LARGE1: variants seen among roughly 807,000 people sequenced by gnomAD.
The protein encoded by LARGE1 is xylosyl- and glucuronyltransferase LARGE1.
In LARGE1, 43 loss-of-function variants were observed where a neutral mutation model predicts 87.6. That is an observed-to-expected ratio of 0.49 (90% CI 0.38 to 0.63). The LOEUF (loss-of-function observed/expected upper bound fraction) is 0.63. Among genes scored for constraint, LARGE1 ranks in the 30% least tolerant of loss-of-function variants. LARGE1 has a pLI of 0.00. For synonymous variants in LARGE1, 434 were observed against 394.6 expected, an observed-to-expected ratio of 1.10 and a Z score of -1.18; for missense variants, 802 against 1,000.2, an observed-to-expected ratio of 0.80 and a Z score of 2.67.
chr22:33,591,576 CAA>C (rs1032733372), intron 5 of LARGE1, among the ~76,000 whole-genome samples: 22 of 152,222 alleles, frequency 1.4e-4, no homozygotes, highest in Non-Finnish European at 1.6e-4. Context: ...AGATGCTTGG[CAA>C]ATTCTTTCTT....
intron 7 of LARGE1, among the ~76,000 whole-genome samples, chr22:33,392,973 C>G (rs537220797): frequency 6.6e-5 from 10 of 152,224 alleles, no homozygotes; most frequent in African/African-American, 2.2e-4. Flanking sequence ...AGTGTCACAG[C>G]CTGCATGCTT....
chr22:33,871,812 T>C (rs999528402), intron 1 of LARGE1, among the ~76,000 whole-genome samples: 2 of 151,916 alleles, frequency 1.3e-5, no homozygotes, highest in South Asian at 2.1e-4. Flanking sequence ...ATTTAACTAA[T>C]GATTACTAAT....
intron 6 of LARGE1, among the ~76,000 whole-genome samples, chr22:33,553,062 CAT>C (rs2077576425): frequency 6.6e-6 from 1 of 152,124 alleles, no homozygotes; most frequent in Non-Finnish European, 1.5e-5. Context: ...TTTACATAAC[CAT>C]TTCTCAGGCT....
At chr22:33,240,428 T>C (rs1474782841) in intron 11 of LARGE1, among the ~76,000 whole-genome samples, 1 of 152,238 alleles carries the variant, frequency 6.6e-6, no homozygotes, top group Non-Finnish European at 1.5e-5. Context: ...TGGTTGTTTC[T>C]GTACTACTTT....
intron 5 of LARGE1, among the ~76,000 whole-genome samples, chr22:33,575,511 C>T (rs926569170): frequency 6.6e-6 from 1 of 152,086 alleles, no homozygotes; most frequent in South Asian, 2.1e-4. Flanking sequence ...TTCTTAGTAA[C>T]CAGCATCAAC....
intron 5 of LARGE1, among the ~76,000 whole-genome samples, chr22:33,578,817 C>T (rs1431706743): frequency 1.3e-5 from 2 of 152,096 alleles, no homozygotes; most frequent in Admixed American, 6.6e-5. Context: ...TAATTGTACT[C>T]AGAAATGGGA....
At chr22:33,511,533 C>T (rs2071055441) in intron 6 of LARGE1, among the ~76,000 whole-genome samples, 3 of 152,158 alleles carry the variant, frequency 2.0e-5, no homozygotes, top group Admixed American at 6.5e-5. Flanking sequence ...TGGGACTGAT[C>T]TCATGATCCA....
chr22:33,826,273 C>T (rs1006413989), intron 1 of LARGE1, among the ~76,000 whole-genome samples: 1 of 151,950 alleles, frequency 6.6e-6, no homozygotes, highest in Non-Finnish European at 1.5e-5. Context: ...TGACCTGTGG[C>T]TGCATGACTG....
intron 1 of LARGE1, among the ~76,000 whole-genome samples, chr22:33,782,073 G>T (rs1601602758): frequency 6.6e-6 from 1 of 152,180 alleles, no homozygotes; most frequent in African/African-American, 2.4e-5. Context: ...CTCAGACAAA[G>T]AATTGGCATA....
intron 6 of LARGE1, among the ~76,000 whole-genome samples, chr22:33,456,293 A>G (rs1369422283): frequency 1.3e-5 from 2 of 152,200 alleles, no homozygotes; most frequent in Non-Finnish European, 2.9e-5. Flanking sequence ...AGACACAATC[A>G]CCAACCCCAT....
At chr22:33,577,079 T>C (rs1001284401) in intron 5 of LARGE1, among the ~76,000 whole-genome samples, 1 of 152,182 alleles carries the variant, frequency 6.6e-6, no homozygotes. Context: ...CACTCTGCTA[T>C]TAAACGCAAG....
the LARGE1 span, among the ~76,000 whole-genome samples, chr22:33,134,255 C>CTT: frequency 9.2e-3 from 1,148 of 124,344 alleles, 32 homozygotes; most frequent in African/African-American, 0.032. Context: ...AAAGAACTCC[C>CTT]TTTTTTTTTT....
intron 1 of LARGE1, among the ~76,000 whole-genome samples, chr22:33,831,487 A>G (rs536961073): frequency 6.6e-6 from 1 of 152,238 alleles, no homozygotes; most frequent in Admixed American, 6.5e-5. Flanking sequence ...TGGGAGGCTC[A>G]TCGGAAGCTG....
At chr22:33,263,161 G>C (rs147848068) in intron 11 of LARGE1, among the ~76,000 whole-genome samples, 1 of 152,050 alleles carries the variant, frequency 6.6e-6, no homozygotes, top group South Asian at 2.1e-4. Flanking sequence ...CCAAAGTGCC[G>C]GGATTACAGA....
chr22:33,826,922 C>G (rs12484737), intron 1 of LARGE1, among the ~76,000 whole-genome samples: 26,694 of 152,002 alleles, frequency 0.18, 3,120 homozygotes, highest in East Asian at 0.41. Context: ...AATATCCAAG[C>G]TGGAAATAGC....
At chr22:33,809,365 CTA>C (rs1358683145) in intron 1 of LARGE1, among the ~76,000 whole-genome samples, 2 of 152,190 alleles carry the variant, frequency 1.3e-5, no homozygotes, top group African/African-American at 2.4e-5. Flanking sequence ...ACATACACAA[CTA>C]TATGTTCCAT....
chr22:33,268,673 T>C (rs1928086988), downstream of LARGE1, among the ~76,000 whole-genome samples: 1 of 152,100 alleles, frequency 6.6e-6, no homozygotes, highest in Non-Finnish European at 1.5e-5. Context: ...GTGATCTGCC[T>C]GCCTCGGCCT....
intron 11 of LARGE1, among the ~76,000 whole-genome samples, chr22:33,262,053 G>A (rs139067014): frequency 1.3e-5 from 2 of 152,368 alleles, no homozygotes; most frequent in African/African-American, 4.8e-5. Flanking sequence ...GGTGTTTGGA[G>A]TTGACAAAGT....
intron 13 of LARGE1, among the ~76,000 whole-genome samples, chr22:33,279,982 T>C (rs938184660): frequency 2.0e-5 from 3 of 152,234 alleles, no homozygotes; most frequent in Non-Finnish European, 2.9e-5. Context: ...AATTTCCTTT[T>C]GTGTCAACTG....
Sources: gnomAD v4.1 joint callset for allele counts (sites outside exome capture counted in the v4.1 genomes callset) on GRCh38, gnomAD v4.1.1 for gene constraint, MANE v1.5 for transcripts, NCBI Gene and HGNC (gene_info 2026-07-23, HGNC 2026-07-21) for gene names.